The following TMIGD2 variants were observed in gnomAD, a reference collection of about 807,000 sequenced individuals.
TMIGD2 encodes transmembrane and immunoglobulin domain-containing protein 2.
Under a neutral mutation model 22.6 loss-of-function variants are expected in TMIGD2, and 18 were observed. That is an observed-to-expected ratio of 0.80 (90% CI 0.55 to 1.18). TMIGD2 has a LOEUF of 1.18. Among genes scored for constraint, TMIGD2 ranks in the 50% most tolerant of loss-of-function variants. The pLI is 0.00. For synonymous variants in TMIGD2, 184 were observed against 154.1 expected, an observed-to-expected ratio of 1.19 and a Z score of -1.44; for missense variants, 361 against 378.2, an observed-to-expected ratio of 0.95 and a Z score of 0.38.
chr19:4,293,015 G>C (rs376308823), intron 4 of TMIGD2, 130 bp from the exon 5 acceptor site: 2 of 1,366,344 alleles, frequency 1.5e-6, no homozygotes, highest in Non-Finnish European at 2.0e-6. Context: ...CCAGGCTGGA[G>C]TGCAGTGGCG....
chr19:4,298,250 G>A lies in TMIGD2; in HGVS notation c.142C>T (p.Gln48Ter), dbSNP rs1386154511. ...CGGAGCCGTTCCCAGGCTGTGGCCT[G>A]GTCCACCTGGCAGACCAGGGTCGCC... Residue 48 changes from glutamine to a stop codon, truncating the protein, a stop_gained, in exon 2 of 5, where the codon CAG (glutamine) becomes TAG (stop). Coordinates refer to ENST00000301272, the Ensembl canonical transcript of TMIGD2. LOFTEE classifies it high-confidence loss of function. 1.2e-6 allele frequency: 2 copies of A among 1,612,622 alleles called. No homozygotes were observed. The highest frequency in any genetic ancestry group is 1.7e-6 in the Non-Finnish European group (2 of 1,179,936).
At chr19:4,300,069 TG>T (rs1971515424) in intron 1 of TMIGD2, among the ~76,000 whole-genome samples, 1 of 150,478 alleles carries the variant, frequency 6.6e-6, no homozygotes, top group South Asian at 2.1e-4. Context: ...AAGACCAGCC[TG>T]GCCAACATGG....
chr19:4,293,265 T>C (rs1971410114), intron 4 of TMIGD2, among the ~76,000 whole-genome samples: 1 of 146,596 alleles, frequency 6.8e-6, no homozygotes, highest in Admixed American at 6.8e-5. Flanking sequence ...CCGGCCTTTT[T>C]TTTTTTTTTT....
intron 1 of TMIGD2, among the ~76,000 whole-genome samples, chr19:4,300,799 C>T (rs184400064): frequency 2.5e-4 from 38 of 152,218 alleles, no homozygotes; most frequent in African/African-American, 6.0e-4. Flanking sequence ...CGAGGAGGCC[C>T]GTGTGGCTGG....
intron 4 of TMIGD2, among the ~76,000 whole-genome samples, chr19:4,294,235 T>C (rs947548910): frequency 2.0e-5 from 3 of 151,454 alleles, no homozygotes; most frequent in Non-Finnish European, 2.9e-5. Flanking sequence ...ACCTAGCTAA[T>C]TTTTTGTATT....
chr19:4,297,431 G>A (rs1180875177), intron 2 of TMIGD2, among the ~76,000 whole-genome samples: 1 of 152,038 alleles, frequency 6.6e-6, no homozygotes, highest in Non-Finnish European at 1.5e-5. Flanking sequence ...GTGCAGTGGT[G>A]CACTCATAGC....
At chr19:4,295,197 G>C (rs1373190192) in intron 2 of TMIGD2, among the ~76,000 whole-genome samples, 2 of 148,258 alleles carry the variant, frequency 1.3e-5, no homozygotes, top group East Asian at 2.0e-4. Context: ...GGAGGGGGAG[G>C]TTGCAGTGAG....
chr19:4,295,225 C>T (rs1278490144), intron 2 of TMIGD2, among the ~76,000 whole-genome samples: 6 of 132,272 alleles, frequency 4.5e-5, no homozygotes, highest in East Asian at 2.3e-4. Context: ...CGTGTCACTA[C>T]GCTCCAGCCT....
At position 4,300,207 on chromosome 19, in the gene TMIGD2, C is replaced by G. The variant is rs1362347872; in HGVS notation, c.47-1862G>C. On this transcript the variant is annotated intron_variant, in intron 1 of 4. Transcript: ENST00000301272. ...ACCCGGGAGGTGGAGGTTGCAGTGA[C>G]CTGAGATCGTGCCACTGCACTCCAG... Among the ~76,000 whole-genome samples, 481 of 130,500 alleles carry G rather than the reference C, an allele frequency of 3.7e-3. 1 individual carries two copies. The highest frequency in any genetic ancestry group is 0.024 in the Middle Eastern group (4 of 168). 85.6% of individuals were successfully genotyped at this position (130,500 alleles called of 152,430 possible). A position where few individuals can be genotyped will look rare whatever the true frequency, so the allele number is the denominator to read the frequency against.
intron 2 of TMIGD2, 50 bp downstream of exon 2, chr19:4,297,936 A>G: frequency 6.7e-7 from 1 of 1,502,246 alleles, no homozygotes; most frequent in South Asian, 1.4e-5. Flanking sequence ...AAGTCTTAAG[A>G]TTCTAGGATC....
At chr19:4,295,807 CA>C (rs1217190109) in intron 2 of TMIGD2, among the ~76,000 whole-genome samples, 1 of 152,154 alleles carries the variant, frequency 6.6e-6, no homozygotes, top group Admixed American at 6.6e-5. Flanking sequence ...CAGGCGGCAG[CA>C]GGAACCAGCT....
At chr19:4,294,885 G>A in intron 2 of TMIGD2, 69 bp from the exon 3 acceptor site, 6 of 1,445,970 alleles carry the variant, frequency 4.1e-6, no homozygotes, top group East Asian at 2.5e-5. Context: ...AGCTCACTTG[G>A]GGGGACCTAA....
At chr19:4,295,453 G>C (rs1424549227) in intron 2 of TMIGD2, among the ~76,000 whole-genome samples, 1 of 150,832 alleles carries the variant, frequency 6.6e-6, no homozygotes, top group African/African-American at 2.4e-5. Context: ...CCAGCTACTC[G>C]GGAGGCTGAG....
chr19:4,297,564 C>T (rs554398718), intron 2 of TMIGD2, among the ~76,000 whole-genome samples: 2 of 152,256 alleles, frequency 1.3e-5, no homozygotes, highest in African/African-American at 4.8e-5. Flanking sequence ...TCCTAAAATT[C>T]TTGGATTATG....
In TMIGD2 at chr19:4,293,813, G is replaced by C. The variant is rs1055272311; in HGVS notation, c.562+754C>G. 5.9e-5 allele frequency among the ~76,000 whole-genome samples: 9 copies of C among 151,810 alleles called. 1 individual carries two copies. Among genetic ancestry groups the C allele is most frequent in the African/African-American group, 2.2e-4 (9 of 41,276 alleles). On this transcript the variant is annotated intron_variant, in intron 4 of 4. Transcript: ENST00000301272. Reference sequence around the variant, plus strand: ...GTCTGGCTGTGTCGCCCAGGCTGGAGTGTAGTGAGGCAGTCTGGGCTCACT... The same window carrying C: ...GTCTGGCTGTGTCGCCCAGGCTGGACTGTAGTGAGGCAGTCTGGGCTCACT...
intron 1 of TMIGD2, among the ~76,000 whole-genome samples, chr19:4,302,007 G>A (rs1053724847): frequency 1.3e-5 from 2 of 152,154 alleles, no homozygotes; most frequent in Non-Finnish European, 2.9e-5. Flanking sequence ...GCAAAGGCTC[G>A]AAGGCCAGAT....
chr19:4,300,482 G>A (rs550604201), intron 1 of TMIGD2, among the ~76,000 whole-genome samples: 10 of 151,952 alleles, frequency 6.6e-5, no homozygotes, highest in Non-Finnish European at 8.8e-5. Flanking sequence ...ACTTGAACCC[G>A]GGAGGCGGAG....
intron 3 of TMIGD2, 41 bp from the exon 4 acceptor site, chr19:4,294,721 G>A (rs1971437521): frequency 6.4e-7 from 1 of 1,570,722 alleles, no homozygotes; most frequent in Non-Finnish European, 8.6e-7. Context: ...AGGAGGGGAA[G>A]GGGTGGTGAT....
In TMIGD2 at chr19:4,292,972, T is replaced by C. The variant is rs1389003964; in HGVS notation, c.563-87A>G. On this transcript the variant is annotated intron_variant, in intron 4 of 4. Coordinates refer to ENST00000301272, the Ensembl canonical transcript of TMIGD2. ...CTCTGGGGGATCTGTCTCTTTTTTT[T>C]TTTTTCTGTGAGACGGAGTCTCACT... is the stretch of plus-strand genomic sequence containing the variant. The C allele has an allele frequency of 1.1e-4, 169 of 1,563,830 alleles. 1 individual carries two copies. Among genetic ancestry groups the C allele is most frequent in the Non-Finnish European group, 1.4e-4 (162 of 1,166,398 alleles).
Sources: allele counts gnomAD v4.1 joint callset (sites outside exome capture counted in the v4.1 genomes callset), GRCh38; gene constraint gnomAD v4.1.1; transcripts MANE v1.5; gene names NCBI Gene and HGNC (gene_info 2026-07-23, HGNC 2026-07-21).